The following CSTF3 variants were observed in gnomAD, a reference collection of about 807,000 sequenced individuals.
CSTF3 encodes cleavage stimulation factor subunit 3.
In CSTF3, 29 loss-of-function variants were observed where a neutral mutation model predicts 105.8. The ratio of observed to expected loss-of-function variants is 0.27; its 90% CI spans 0.20 to 0.37. The LOEUF is 0.37. Ranked by LOEUF, CSTF3 falls within the 10% of genes least tolerant of loss-of-function variation. The pLI is 1.00. For missense variants in CSTF3, 357 were observed against 879.3 expected (o/e 0.41, Z 7.51); for synonymous variants, 252 against 281.9 (o/e 0.89, Z 1.06).
Position 33,095,682 on chromosome 11 carries a change from G to T in CSTF3, c.1375+624C>A, listed in dbSNP as rs189802742. On this transcript the variant is annotated intron_variant, in intron 15 of 20. Transcript: ENST00000323959. Reference sequence around the variant, plus strand: ...TAAAAATACAAAAAATTAGCCGGGCGAGGTGGCGGGCGCCTGTAGTCCCAG... The same window carrying T: ...TAAAAATACAAAAAATTAGCCGGGCTAGGTGGCGGGCGCCTGTAGTCCCAG... Among the ~76,000 whole-genome samples, 11 of 151,496 alleles carry T rather than the reference G, an allele frequency of 7.3e-5. No individual in the cohort carries two copies. In the South Asian group the frequency reaches 8.5e-4, roughly 12 times the overall value.
intron 3 of CSTF3, among the ~76,000 whole-genome samples, chr11:33,115,583 AT>A (rs1855422858): frequency 1.3e-5 from 2 of 149,580 alleles, no homozygotes. Flanking sequence ...AGTGCCTACT[AT>A]GTGTGACAAA....
intron 16 of CSTF3, among the ~76,000 whole-genome samples, chr11:33,091,707 G>A (rs1051719838): frequency 3.3e-5 from 5 of 151,828 alleles, no homozygotes; most frequent in Non-Finnish European, 7.4e-5. Context: ...AGAGAGAGAG[G>A]TATCTTTTTT....
intron 3 of CSTF3, among the ~76,000 whole-genome samples, chr11:33,139,178 A>G (rs1855684176): frequency 6.6e-6 from 1 of 151,786 alleles, no homozygotes; most frequent in South Asian, 2.1e-4. Context: ...TTTGTACTTA[A>G]ATAGGATTTG....
At chr11:33,159,322 A>T (rs2133812926) in intron 1 of CSTF3, among the ~76,000 whole-genome samples, 1 of 152,074 alleles carries the variant, frequency 6.6e-6, no homozygotes, top group South Asian at 2.1e-4. Context: ...TAGGCCAGGT[A>T]CGGTGGCTCA....
At chr11:33,097,108 AT>A (rs1185291716) in intron 13 of CSTF3, 130 bp from the exon 14 acceptor site, 7 of 654,626 alleles carry the variant, frequency 1.1e-5, no homozygotes, top group Non-Finnish European at 7.0e-6. Flanking sequence ...CCACAAACTA[AT>A]TTTTTTCTGG....
At chr11:33,101,232 C>T (rs1356445711) in intron 10 of CSTF3, among the ~76,000 whole-genome samples, 3 of 152,188 alleles carry the variant, frequency 2.0e-5, no homozygotes, top group African/African-American at 7.2e-5. Context: ...ATTGAGGAGA[C>T]ATCCCCAAAA....
Position 33,161,446 on chromosome 11 carries a change from A to G in CSTF3, c.-121T>C. 1 of 1,009,592 alleles carries G rather than the reference A, an allele frequency of 9.9e-7. No individual in the cohort carries two copies. The highest frequency in any genetic ancestry group is 1.5e-6 in the Non-Finnish European group (1 of 662,188). 62.5% of individuals were successfully genotyped at this position (1,009,592 alleles called of 1,614,324 possible). On this transcript the variant is annotated 5_prime_UTR_variant, in exon 1 of 21. Transcript: ENST00000323959. Reference sequence around the variant, plus strand: ...CCCTGCCCAGCTGAGCCAGACCGCCAACACCAATCGCCACCGCCCACTCAA... The same window carrying G: ...CCCTGCCCAGCTGAGCCAGACCGCCGACACCAATCGCCACCGCCCACTCAA...
intron 8 of CSTF3, 71 bp downstream of exon 8, chr11:33,105,496 C>A: frequency 7.2e-7 from 1 of 1,389,302 alleles, no homozygotes; most frequent in South Asian, 1.4e-5. Flanking sequence ...AGGCTATAAT[C>A]TACAAATCCA....
At chr11:33,132,048 TAATA>T (rs1463989880) in intron 3 of CSTF3, among the ~76,000 whole-genome samples, 1 of 152,150 alleles carries the variant, frequency 6.6e-6, no homozygotes, top group Non-Finnish European at 1.5e-5. Flanking sequence ...AAAATTTTTA[TAATA>T]AATAGTTGGA....
At chr11:33,129,029 A>C (rs1257998337) in intron 3 of CSTF3, among the ~76,000 whole-genome samples, 1 of 152,186 alleles carries the variant, frequency 6.6e-6, no homozygotes, top group African/African-American at 2.4e-5. Context: ...AAAGTTAATA[A>C]ATTTTAGAAG....
At position 33,087,072 on chromosome 11, in the gene CSTF3, G is replaced by C. The variant is rs756792158; in HGVS notation, c.1711C>G (p.Leu571Val). 20 of 1,614,112 alleles carry C rather than the reference G, an allele frequency of 1.2e-5. No homozygotes were observed. Among genetic ancestry groups the C allele is most frequent in the Non-Finnish European group, 1.4e-5 (17 of 1,179,998 alleles). ...GGTTTTCTATCCACTTCATCTTTCA[G>C]AACAGGCACTATAGAAGGAGCTACA... is the stretch of plus-strand genomic sequence containing the variant. ...PVVAPSIVPV[L>V]KDEVDRKPEY... Residue 571 changes from leucine (L) to valine (V), a missense_variant, in exon 18 of 21, where the codon CTG (leucine) becomes GTG (valine). By Grantham distance (32) the Leu-to-Val change is conservative. Transcript: ENST00000323959.
chr11:33,122,857 A>C (rs1434455264), intron 3 of CSTF3, among the ~76,000 whole-genome samples: 1 of 148,206 alleles, frequency 6.7e-6, no homozygotes, highest in Non-Finnish European at 1.5e-5. Flanking sequence ...TGGAGGCTGC[A>C]CTAAGCCGTG....
At chr11:33,142,732 GTTT>G (rs961744411) in intron 1 of CSTF3, among the ~76,000 whole-genome samples, 14 of 151,070 alleles carry the variant, frequency 9.3e-5, no homozygotes, top group Non-Finnish European at 1.5e-4. Flanking sequence ...CTTTTTACAT[GTTT>G]TTTCTTTATA....
At chr11:33,159,714 G>T (rs1339965204) in intron 1 of CSTF3, among the ~76,000 whole-genome samples, 1 of 151,824 alleles carries the variant, frequency 6.6e-6, no homozygotes, top group African/African-American at 2.4e-5. Flanking sequence ...TCGAAGCTAT[G>T]GTGAGCTGTG....
intron 17 of CSTF3, among the ~76,000 whole-genome samples, chr11:33,090,056 A>T (rs143006737): frequency 1.3e-4 from 20 of 152,358 alleles, no homozygotes; most frequent in African/African-American, 4.8e-4. Context: ...TTTTAAGAAT[A>T]CAAATCCCTC....
At position 33,085,371 on chromosome 11, in the gene CSTF3, A is replaced by G. The variant is rs1855094371; in HGVS notation, c.1952-82T>C. ...TGTTCAACTGTGGATACTTTATTTC[A>G]TAGCCTACTATTTTAGCAAAACATG... is the stretch of plus-strand genomic sequence containing the variant. On this transcript the variant is annotated intron_variant, in intron 20 of 20. Transcript: ENST00000323959. The G allele has an allele frequency of 2.7e-5, 14 of 521,928 alleles. No individual in the cohort carries two copies. In the South Asian group the frequency reaches 4.2e-4, roughly 15 times the overall value. The allele number at this position is 521,928 out of a possible 1,614,324, so 32.3% of individuals were successfully genotyped here.
intron 1 of CSTF3, among the ~76,000 whole-genome samples, chr11:33,146,945 C>A (rs534722020): frequency 2.6e-5 from 4 of 151,858 alleles, no homozygotes; most frequent in Admixed American, 6.6e-5. Context: ...GCATGAGGAC[C>A]GCTTGAGGCC....
At chr11:33,102,035 T>G in intron 10 of CSTF3, 142 bp downstream of exon 10, 1 of 569,704 alleles carries the variant, frequency 1.8e-6, no homozygotes. Context: ...TCAGTGAATA[T>G]GGAGATAGAT....
chr11:33,161,456 G>C lies in CSTF3; in HGVS notation c.-131C>G. ...CTGAGCCAGACCGCCAACACCAATC[G>C]CCACCGCCCACTCAAATATGAATTA... is the stretch of plus-strand genomic sequence containing the variant. On this transcript the variant is annotated 5_prime_UTR_variant, in exon 1 of 21. Transcript: ENST00000323959. 1 of 867,074 alleles carries C rather than the reference G, an allele frequency of 1.2e-6. No individual in the cohort carries two copies. The highest frequency in any genetic ancestry group is 1.8e-6 in the Non-Finnish European group (1 of 542,414). 53.7% of individuals were successfully genotyped at this position (867,074 alleles called of 1,614,324 possible).
Sources: gnomAD v4.1 joint callset for allele counts (sites outside exome capture counted in the v4.1 genomes callset) on GRCh38, gnomAD v4.1.1 for gene constraint, MANE v1.5 for transcripts, NCBI Gene and HGNC (gene_info 2026-07-23, HGNC 2026-07-21) for gene names.